Variants in CACNA1H observed in about 807,000 individuals in gnomAD.
CACNA1H encodes the protein voltage-dependent T-type calcium channel subunit alpha-1H.
Under a neutral mutation model 192.5 loss-of-function variants are expected in CACNA1H, and 149 were observed. That is an observed-to-expected ratio of 0.77 (90% CI 0.68 to 0.89). CACNA1H has a LOEUF of 0.89. CACNA1H is among the 40% of genes least tolerant of loss of function. The pLI, the probability that CACNA1H is intolerant of heterozygous loss-of-function variation, is 0.00. For synonymous variants in CACNA1H, 2,202 were observed against 1,475.2 expected (o/e 1.49, Z -11.29); for missense variants, 4,257 against 3,423.5 (o/e 1.24, Z -6.08).
chr16:1,198,955 A>C (rs561283210), intron 6 of CACNA1H, 181 bp downstream of exon 6: 51 of 394,044 alleles, frequency 1.3e-4, no homozygotes, highest in East Asian at 1.6e-4. Context: ...ACCCCCCATC[A>C]TGGCTCCGCC....
At position 1,172,384 on chromosome 16, in the gene CACNA1H, A is replaced by G. The variant is rs1012618381; in HGVS notation, c.299+18348A>G. On this transcript the variant is annotated intron_variant, in intron 2 of 34. Transcript: ENST00000348261. ...CCTGGGCCCCTCTCACGCCGTCCCT[A>G]GGCTGCCCCCAGGCGTCCTCCCCTC... is the stretch of plus-strand genomic sequence containing the variant. Among the ~76,000 whole-genome samples, 2 of 152,122 alleles carry G rather than the reference A, an allele frequency of 1.3e-5. 1 individual carries two copies. The highest frequency in any genetic ancestry group is 2.9e-5 in the Non-Finnish European group (2 of 67,966).
At chr16:1,195,754 A>T (rs974113206) in intron 4 of CACNA1H, among the ~76,000 whole-genome samples, 172 bp from the exon 5 acceptor site, 2 of 152,124 alleles carry the variant, frequency 1.3e-5, no homozygotes, top group Non-Finnish European at 2.9e-5. Context: ...TGGCCTCCTG[A>T]TGTGACCAAG....
At chr16:1,169,026 G>T (rs764156530) in intron 2 of CACNA1H, among the ~76,000 whole-genome samples, 3 of 152,106 alleles carry the variant, frequency 2.0e-5, no homozygotes, top group Non-Finnish European at 4.4e-5. Context: ...TTACGAGTGC[G>T]TGGGCTCGGG....
rs376984823 is a variant in CACNA1H, at chr16:1,218,601, G to A, written c.5837G>A (p.Arg1946His). 47 of 1,564,624 alleles carry A rather than the reference G, an allele frequency of 3.0e-5. No individual in the cohort carries two copies. The highest frequency in any genetic ancestry group is 1.6e-4 in the African/African-American group (12 of 73,886). The change falls in exon 33 of 35, where the codon CGC becomes CAC. Residue 1946 changes from arginine to histidine, a missense_variant. By Grantham distance (29) the Arg-to-His change is conservative. Coordinates refer to ENST00000348261, the MANE Select transcript of CACNA1H (RefSeq NM_021098.3). ...PVVPASAPHP[R>H]PLQEVEMETY... The stretch of plus-strand genomic sequence containing the variant: ...GTGCCTGCCTCGGCGCCCCACCCCC[G>A]CCCGCTGCAGGAGGTGGAGATGGAG...
intron 8 of CACNA1H, 26 bp from the exon 9 acceptor site, chr16:1,201,637 C>A: frequency 6.5e-7 from 1 of 1,541,412 alleles, no homozygotes; most frequent in Non-Finnish European, 8.8e-7. Flanking sequence ...CACTCACTGC[C>A]ACTTACCCGC....
chr16:1,196,529 G>A (rs1176428021), intron 5 of CACNA1H, among the ~76,000 whole-genome samples: 1 of 152,200 alleles, frequency 6.6e-6, no homozygotes, highest in African/African-American at 2.4e-5. Flanking sequence ...CACTGCTTCT[G>A]GCCCCTACTC....
chr16:1,195,895 T>C (rs1306914041), intron 4 of CACNA1H, 31 bp from the exon 5 acceptor site: 5 of 1,560,632 alleles, frequency 3.2e-6, no homozygotes, highest in Non-Finnish European at 4.4e-6. Context: ...GGGCTCCTTG[T>C]TGAGCTGCTC....
Position 1,218,595 on chromosome 16 carries a change from AC to A in CACNA1H, c.5836del (p.Arg1946AlafsTer101). 1.3e-6 allele frequency: 2 copies of A among 1,563,220 alleles called. No homozygotes were observed. The highest frequency in any genetic ancestry group is 1.7e-6 in the Non-Finnish European group (2 of 1,154,456). On this transcript the variant is annotated frameshift_variant, in exon 33 of 35. Coordinates refer to ENST00000348261, the MANE Select transcript of CACNA1H (RefSeq NM_021098.3). LOFTEE classifies it high-confidence loss of function. ...CCCGTGGTGCCTGCCTCGGCGCCCC[AC>A]CCCCGCCCGCTGCAGGAGGTGGAGA... The part of the protein sequence containing the change: ...FRPVVPASAP[H>X]PRPLQEVEME...
At chr16:1,168,711 C>T (rs1162159726) in intron 2 of CACNA1H, among the ~76,000 whole-genome samples, 3 of 152,128 alleles carry the variant, frequency 2.0e-5, no homozygotes, top group Non-Finnish European at 2.9e-5. Flanking sequence ...CCAGACCCTT[C>T]CAGAGTCCCA....
At chr16:1,154,294 C>G (rs953118855) in intron 2 of CACNA1H, among the ~76,000 whole-genome samples, 3 of 152,118 alleles carry the variant, frequency 2.0e-5, no homozygotes, top group African/African-American at 4.8e-5. Context: ...GGAAGCGAAG[C>G]GGTGAGGCCC....
intron 2 of CACNA1H, among the ~76,000 whole-genome samples, chr16:1,165,732 C>A (rs540132259): frequency 2.6e-5 from 4 of 152,356 alleles, no homozygotes; most frequent in South Asian, 4.1e-4. Context: ...CACCCCGGCT[C>A]ACAGTGCGGG....
Position 1,153,856 on chromosome 16 carries a change from C to T in CACNA1H, c.119C>T (p.Ala40Val). The T allele has an allele frequency of 2.2e-6, 3 of 1,340,364 alleles. No individual in the cohort carries two copies. The highest frequency in any genetic ancestry group is 1.8e-5 in the South Asian group (1 of 55,616). 83.0% of individuals were successfully genotyped at this position (1,340,364 alleles called of 1,614,324 possible). The change falls in exon 2 of 35, where the codon GCG (alanine) becomes GTG (valine). Residue 40 changes from alanine to valine, a missense_variant. Transcript: ENST00000348261. ...AGCCCCGGGGCGCCGGGACGCGAGG[C>T]GGAGCGGGGGTCCGAGCTCGGCGTG... is the stretch of plus-strand genomic sequence containing the variant. ...PESPGAPGREAERGSELGVSP... is the reference protein window; with the variant it reads ...PESPGAPGREVERGSELGVSP...
intron 2 of CACNA1H, among the ~76,000 whole-genome samples, chr16:1,173,760 C>T (rs1964598510): frequency 6.6e-6 from 1 of 152,216 alleles, no homozygotes. Flanking sequence ...AGGCTCACCC[C>T]GGGAGAATTC....
chr16:1,217,334 C>T (rs893910101), intron 31 of CACNA1H, among the ~76,000 whole-genome samples: 1 of 152,246 alleles, frequency 6.6e-6, no homozygotes, highest in Non-Finnish European at 1.5e-5. Flanking sequence ...TGGAAACACA[C>T]GCCATGCCCA....
At chr16:1,162,592 C>T (rs1370269021) in intron 2 of CACNA1H, among the ~76,000 whole-genome samples, 1 of 149,904 alleles carries the variant, frequency 6.7e-6, no homozygotes, top group East Asian at 2.0e-4. Context: ...TCTCTGTGCC[C>T]TGGTTAGAAG....
Position 1,212,515 on chromosome 16 carries a change from T to C in CACNA1H, c.4764T>C (p.Thr1588=). Residue 1588 remains threonine, a synonymous_variant, in exon 26 of 35, where the codon ACT becomes ACC. Transcript: ENST00000348261. The stretch of plus-strand genomic sequence containing the variant: ...ACCATCTCCTTGTCTTTCCAGGCAC[T>C]TTCCCCAGCCCAGGTACCGGCCCTG... ...LRRLERRRRS[T]FPSPEAQRRP... The C allele has an allele frequency of 6.2e-7, 1 of 1,611,188 alleles. No homozygotes were observed. Among genetic ancestry groups the C allele is most frequent in the East Asian group, 2.2e-5 (1 of 44,782 alleles).
chr16:1,162,647 G>GGC (rs1963336971), intron 2 of CACNA1H, among the ~76,000 whole-genome samples: 2 of 151,728 alleles, frequency 1.3e-5, no homozygotes, highest in South Asian at 4.2e-4. Context: ...AGTGGGGGGG[G>GGC]GGGGTCCATC....
At position 1,221,257 on chromosome 16, in the gene CACNA1H, TC is replaced by T; in HGVS notation, c.*266del. ...GGCTGTGCGGGCAACTGGGTCAGCCTCCCGTCAGGAGAGAAGCCGCGTCTGT... is the reference window on the plus strand; with the variant it reads ...GGCTGTGCGGGCAACTGGGTCAGCCTCCGTCAGGAGAGAAGCCGCGTCTGT... On this transcript the variant is annotated 3_prime_UTR_variant, in exon 35 of 35. Transcript: ENST00000348261. 2.1e-6 allele frequency: 1 copy of T among 470,132 alleles called. No homozygotes were observed. Among genetic ancestry groups the T allele is most frequent in the Non-Finnish European group, 3.7e-6 (1 of 268,648 alleles). The allele number at this position is 470,132 out of a possible 1,614,324, so 29.1% of individuals were successfully genotyped here.
chr16:1,170,932 G>A (rs1964305022), intron 2 of CACNA1H, among the ~76,000 whole-genome samples: 1 of 152,128 alleles, frequency 6.6e-6, no homozygotes, highest in Non-Finnish European at 1.5e-5. Flanking sequence ...GGAGGGTTGG[G>A]GTGCCTGGTC....
Sources: allele counts gnomAD v4.1 joint callset (sites outside exome capture counted in the v4.1 genomes callset), GRCh38; gene constraint gnomAD v4.1.1; transcripts MANE v1.5; gene names NCBI Gene and HGNC (gene_info 2026-07-23, HGNC 2026-07-21).